The following CBR4 variants were observed in gnomAD, a reference collection of about 807,000 sequenced individuals.
CBR4 encodes the protein 3-oxoacyl-[acyl-carrier-protein] reductase.
CBR4 carries 22 observed loss-of-function variants against 21.0 expected under a neutral mutation model. That is an observed-to-expected ratio of 1.05 (90% CI 0.75 to 1.50). The LOEUF (loss-of-function observed/expected upper bound fraction) is 1.50, where lower values mean the gene tolerates loss of function less well. CBR4 is among the 40% of genes most tolerant of loss of function. The pLI is 0.00. For missense variants in CBR4, 302 were observed against 286.3 expected, an observed-to-expected ratio of 1.05 and a Z score of -0.40; for synonymous variants, 100 against 104.4, an observed-to-expected ratio of 0.96 and a Z score of 0.26.
chr4:168,935,096 G>C (rs1221256552), intron 2 of CBR4, among the ~76,000 whole-genome samples: 1 of 152,326 alleles, frequency 6.6e-6, no homozygotes, highest in Non-Finnish European at 1.5e-5. Context: ...CATTGGGACT[G>C]GTTAGATAGT....
intron 2 of CBR4, among the ~76,000 whole-genome samples, chr4:168,975,347 T>C (rs934560972): frequency 1.4e-4 from 21 of 152,196 alleles, no homozygotes; most frequent in African/African-American, 5.1e-4. Flanking sequence ...TCCTTGGTTG[T>C]AATTTAGTGC....
intron 2 of CBR4, among the ~76,000 whole-genome samples, chr4:168,922,102 TACACACACAC>T (rs35503011): frequency 8.4e-4 from 111 of 132,626 alleles, no homozygotes; most frequent in Admixed American, 3.2e-3. Flanking sequence ...TATATATATA[TACACACACAC>T]ACACACACAC....
intron 3 of CBR4, chr4:169,006,024 C>CAT: frequency 1.6e-6 from 1 of 631,178 alleles, no homozygotes; most frequent in South Asian, 1.5e-5. Context: ...GTTCTACAGG[C>CAT]ATATACTCCA....
intron 2 of CBR4, chr4:168,924,231 A>G (rs768950571): frequency 2.5e-6 from 4 of 1,605,808 alleles, no homozygotes; most frequent in Non-Finnish European, 3.4e-6. Flanking sequence ...TCATTGATAG[A>G]GAATTCATCT....
intron 2 of CBR4, among the ~76,000 whole-genome samples, chr4:168,950,665 G>T (rs752605904): frequency 6.6e-6 from 1 of 152,184 alleles, no homozygotes; most frequent in Non-Finnish European, 1.5e-5. Flanking sequence ...TTGATGACCT[G>T]TCTAGTGATG....
At chr4:169,003,880 G>A (rs1730672436) in intron 3 of CBR4, among the ~76,000 whole-genome samples, 1 of 152,110 alleles carries the variant, frequency 6.6e-6, no homozygotes, top group Admixed American at 6.5e-5. Context: ...TCACTCATAG[G>A]TGGGAACTGA....
chr4:168,918,070 G>T (rs1760581118), intron 2 of CBR4, among the ~76,000 whole-genome samples: 1 of 151,918 alleles, frequency 6.6e-6, no homozygotes, highest in South Asian at 2.1e-4. Context: ...GTGGTGGCAT[G>T]CATCTGTAGT....
At chr4:168,908,266 C>G (rs1410209422) in intron 2 of CBR4, among the ~76,000 whole-genome samples, 1 of 152,164 alleles carries the variant, frequency 6.6e-6, no homozygotes, top group Non-Finnish European at 1.5e-5. Flanking sequence ...GTGAACTTCA[C>G]TATCCATTAG....
rs954340046 is a variant in CBR4 at position 168,926,505 on chromosome 4, A to C, written n.170-31740T>G. The stretch of plus-strand genomic sequence containing the variant: ...TTGACTATAAGAAATTAAAAAAAAA[A>C]CACCAAAATAATATTTTTCTTACTT... On this transcript the variant is annotated intron_variant and non_coding_transcript_variant, in intron 2 of 3. Coordinates refer to the CBR4 transcript ENST00000509108. 91 of 593,362 alleles carry C rather than the reference A, an allele frequency of 1.5e-4. 1 individual carries two copies. Among genetic ancestry groups the C allele is most frequent in the South Asian group, 9.8e-4 (39 of 39,880 alleles). The allele number at this position is 593,362 out of a possible 1,614,324, so 36.8% of individuals were successfully genotyped here.
intron 2 of CBR4, among the ~76,000 whole-genome samples, chr4:168,925,764 G>A (rs1166383599): frequency 6.6e-6 from 1 of 151,960 alleles, no homozygotes; most frequent in African/African-American, 2.4e-5. Context: ...ACTATGTGAG[G>A]GTCATCAAGA....
chr4:168,925,899 G>C (rs368241513), intron 2 of CBR4, among the ~76,000 whole-genome samples: 1 of 151,954 alleles, frequency 6.6e-6, no homozygotes, highest in Non-Finnish European at 1.5e-5. Flanking sequence ...TAAAAGGAGA[G>C]GGGGGATGAG....
chr4:168,951,284 CTT>C (rs1339462483), intron 2 of CBR4, among the ~76,000 whole-genome samples: 2 of 152,168 alleles, frequency 1.3e-5, no homozygotes, highest in Non-Finnish European at 2.9e-5. Flanking sequence ...GTCTCGATCT[CTT>C]GACCTCGTGA....
intron 2 of CBR4, among the ~76,000 whole-genome samples, chr4:168,972,063 T>C (rs1208268881): frequency 2.0e-5 from 3 of 152,206 alleles, no homozygotes; most frequent in Admixed American, 6.6e-5. Context: ...CCCCACTTTA[T>C]GTTTTCATTT....
chr4:168,908,480 T>G (rs1758264709), intron 2 of CBR4, among the ~76,000 whole-genome samples: 1 of 152,128 alleles, frequency 6.6e-6, no homozygotes, highest in African/African-American at 2.4e-5. Flanking sequence ...TAAATAGTCA[T>G]GTCATAAAAG....
At chr4:168,904,042 C>T (rs1391733964) in intron 2 of CBR4, 1 of 861,810 alleles carries the variant, frequency 1.2e-6, no homozygotes, top group African/African-American at 1.7e-5. Flanking sequence ...ATTCTACATC[C>T]ATCTTGGTTT....
At chr4:168,911,869 AT>A (rs1400649453) in intron 2 of CBR4, among the ~76,000 whole-genome samples, 6 of 152,212 alleles carry the variant, frequency 3.9e-5, no homozygotes, top group Admixed American at 6.5e-5. Flanking sequence ...AACACCGTGA[AT>A]GCCAGACGGA....
rs1764825888 is a variant in CBR4, at chr4:168,989,904, T to C, written c.*246A>G. Reference sequence around the variant, plus strand: ...ATTTTAAATGTGTGATTATATGGTATGTGAATTGTATCTCATGAAGGCTTT... The same window carrying C: ...ATTTTAAATGTGTGATTATATGGTACGTGAATTGTATCTCATGAAGGCTTT... On this transcript the variant is annotated 3_prime_UTR_variant, in exon 5 of 5. Coordinates refer to ENST00000306193, the MANE Select transcript of CBR4 (RefSeq NM_032783.5). The C allele has an allele frequency of 4.4e-6, 5 of 1,142,374 alleles. No individual in the cohort carries two copies. Among genetic ancestry groups the C allele is most frequent in the Non-Finnish European group, 5.4e-6 (5 of 927,844 alleles). The allele number at this position is 1,142,374 out of a possible 1,614,324, so 70.8% of individuals were successfully genotyped here. A position where few individuals can be genotyped will look rare whatever the true frequency, so the allele number is the denominator to read the frequency against.
At chr4:168,920,453 T>G (rs909181269) in intron 2 of CBR4, among the ~76,000 whole-genome samples, 1 of 152,182 alleles carries the variant, frequency 6.6e-6, no homozygotes, top group Non-Finnish European at 1.5e-5. Context: ...AAGAACTGTT[T>G]TACAGTCTAA....
chr4:168,898,700 A>G, intron 2 of CBR4: 2 of 1,612,576 alleles, frequency 1.2e-6, no homozygotes, highest in Non-Finnish European at 1.7e-6. Context: ...AGTGGCTGGA[A>G]ATCCAAAGCC....
Sources: allele counts gnomAD v4.1 joint callset (sites outside exome capture counted in the v4.1 genomes callset), GRCh38; gene constraint gnomAD v4.1.1; transcripts MANE v1.5; gene names NCBI Gene and HGNC (gene_info 2026-07-23, HGNC 2026-07-21).